The following PSMA1 variants were observed in gnomAD, a reference collection of about 807,000 sequenced individuals.
The protein encoded by PSMA1 is proteasome 20S subunit alpha 1.
Under a neutral mutation model 38.4 loss-of-function variants are expected in PSMA1, and 3 were observed. That is an observed-to-expected ratio of 0.08 (90% CI 0.04 to 0.20). The LOEUF is 0.20. Ranked by LOEUF, PSMA1 falls within the 10% of genes least tolerant of loss-of-function variation. The pLI is 1.00. For synonymous variants in PSMA1, 101 were observed against 107.1 expected, an observed-to-expected ratio of 0.94 and a Z score of 0.35; for missense variants, 227 against 325.3, an observed-to-expected ratio of 0.70 and a Z score of 2.32.
At chr11:14,584,407 T>C (rs1442304378) in intron 2 of PSMA1, among the ~76,000 whole-genome samples, 1 of 152,166 alleles carries the variant, frequency 6.6e-6, no homozygotes, top group African/African-American at 2.4e-5. Context: ...AAGTGGAAGA[T>C]ACCACATTTA....
chr11:14,609,586 A>G (rs568186672), intron 2 of PSMA1, among the ~76,000 whole-genome samples: 1 of 152,320 alleles, frequency 6.6e-6, no homozygotes, highest in South Asian at 2.1e-4. Flanking sequence ...ATAAAAACCT[A>G]GAGGATGTTA....
chr11:14,561,936 G>C (rs1180219077), intron 2 of PSMA1, among the ~76,000 whole-genome samples: 1 of 152,186 alleles, frequency 6.6e-6, no homozygotes, highest in East Asian at 1.9e-4. Context: ...CAGGAAATTA[G>C]AAATCACTCT....
At chr11:14,628,410 T>G (rs1010596412) in intron 1 of PSMA1, among the ~76,000 whole-genome samples, 2 of 145,794 alleles carry the variant, frequency 1.4e-5, no homozygotes, top group African/African-American at 5.2e-5. Flanking sequence ...AGTGAGAATA[T>G]GCGGTGTTTG....
chr11:14,616,927 G>A (rs1279967874), intron 1 of PSMA1, among the ~76,000 whole-genome samples: 1 of 152,160 alleles, frequency 6.6e-6, no homozygotes, highest in African/African-American at 2.4e-5. Context: ...TAAACTGATG[G>A]TGGAGAATGT....
intron 2 of PSMA1, among the ~76,000 whole-genome samples, chr11:14,588,516 AAC>A (rs1227002079): frequency 6.6e-6 from 1 of 152,138 alleles, no homozygotes; most frequent in African/African-American, 2.4e-5. Flanking sequence ...AGAAAGAAAA[AAC>A]AGAGTTTGGA....
At chr11:14,512,924 T>C (rs1247738482) in intron 7 of PSMA1, among the ~76,000 whole-genome samples, 1 of 152,232 alleles carries the variant, frequency 6.6e-6, no homozygotes, top group African/African-American at 2.4e-5. Context: ...GTTAAACCTA[T>C]TGTCATCCCA....
At position 14,528,566 on chromosome 11, in the gene PSMA1, C is replaced by T. The variant is rs376357903; in HGVS notation, c.22-9525G>A. Among the ~76,000 whole-genome samples, 11 of 152,152 alleles carry T rather than the reference C, an allele frequency of 7.2e-5. No homozygotes were observed. In the East Asian group the frequency reaches 9.7e-4, roughly 13 times the overall value. On this transcript the variant is annotated intron_variant, in intron 2 of 10. Transcript: ENST00000418988. ...TCTCCATACCACCCCCAAAAATTTT[C>T]GCTGCCCCAACTCTTTACCACTATT...
chr11:14,586,752 C>CTCTT (rs367881739), intron 2 of PSMA1, among the ~76,000 whole-genome samples: 95 of 151,860 alleles, frequency 6.3e-4, no homozygotes, highest in African/African-American at 1.5e-3. Flanking sequence ...TCATCAATCT[C>CTCTT]TCTTTCTTTC....
At chr11:14,588,826 C>G (rs1852379916) in intron 2 of PSMA1, among the ~76,000 whole-genome samples, 1 of 152,192 alleles carries the variant, frequency 6.6e-6, no homozygotes, top group Non-Finnish European at 1.5e-5. Context: ...GCTCAGTCTA[C>G]TCCAGCTCTA....
intron 1 of PSMA1, among the ~76,000 whole-genome samples, chr11:14,638,773 T>C (rs1192615243): frequency 1.3e-5 from 2 of 150,258 alleles, no homozygotes; most frequent in East Asian, 3.9e-4. Flanking sequence ...GGTGGTTTTG[T>C]GGCAGAACTC....
intron 2 of PSMA1, among the ~76,000 whole-genome samples, chr11:14,553,063 G>A (rs561826054): frequency 6.6e-6 from 1 of 152,090 alleles, no homozygotes; most frequent in Admixed American, 6.5e-5. Flanking sequence ...GGGCTCAAGC[G>A]ATCTTCCTGC....
At chr11:14,586,686 T>A (rs1037077710) in intron 2 of PSMA1, among the ~76,000 whole-genome samples, 2 of 152,214 alleles carry the variant, frequency 1.3e-5, no homozygotes, top group African/African-American at 2.4e-5. Flanking sequence ...TACCTTTTTT[T>A]AGGAATTGGT....
chr11:14,528,589 A>G (rs1440082505), intron 2 of PSMA1, among the ~76,000 whole-genome samples: 1 of 151,994 alleles, frequency 6.6e-6, no homozygotes, highest in East Asian at 1.9e-4. Context: ...CTTTACCACT[A>G]TTTTGTTTTA....
At chr11:14,527,421 C>T (rs1851599528) in intron 2 of PSMA1, among the ~76,000 whole-genome samples, 1 of 152,198 alleles carries the variant, frequency 6.6e-6, no homozygotes, top group Admixed American at 6.5e-5. Flanking sequence ...ATAACCTCTT[C>T]CATGTAGGTT....
chr11:14,558,097 A>G (rs1376395503), intron 2 of PSMA1, among the ~76,000 whole-genome samples: 2 of 152,168 alleles, frequency 1.3e-5, no homozygotes, highest in Non-Finnish European at 2.9e-5. Context: ...AGTTTCTGCA[A>G]GTGGAAGGAT....
At chr11:14,630,174 T>G (rs1194953441) in intron 1 of PSMA1, among the ~76,000 whole-genome samples, 1 of 152,142 alleles carries the variant, frequency 6.6e-6, no homozygotes, top group African/African-American at 2.4e-5. Context: ...CCTGCCTAAT[T>G]GCCCTGGCCA....
At chr11:14,545,297 AT>A (rs1851814167) in intron 2 of PSMA1, among the ~76,000 whole-genome samples, 1 of 152,218 alleles carries the variant, frequency 6.6e-6, no homozygotes, top group African/African-American at 2.4e-5. Context: ...TTGTTTAATT[AT>A]TTTATTTTTA....
intron 2 of PSMA1, among the ~76,000 whole-genome samples, chr11:14,596,051 T>C (rs997018947): frequency 6.6e-6 from 1 of 152,170 alleles, no homozygotes; most frequent in African/African-American, 2.4e-5. Context: ...ATCAGATGGT[T>C]GTAGATGTGT....
intron 2 of PSMA1, among the ~76,000 whole-genome samples, chr11:14,564,934 C>T (rs942515774): frequency 2.6e-5 from 4 of 151,890 alleles, no homozygotes; most frequent in South Asian, 2.1e-4. Flanking sequence ...CACATCACCA[C>T]GCTTGGCTAA....
Sources: allele counts gnomAD v4.1 joint callset (sites outside exome capture counted in the v4.1 genomes callset), GRCh38; gene constraint gnomAD v4.1.1; transcripts MANE v1.5; gene names NCBI Gene and HGNC (gene_info 2026-07-23, HGNC 2026-07-21).